GOLIM4: variants seen among roughly 807,000 people sequenced by gnomAD.
GOLIM4 encodes the protein 130 kDa golgi-localized phosphoprotein.
GOLIM4 carries 71 observed loss-of-function variants against 107.4 expected under a neutral mutation model. That is an observed-to-expected ratio of 0.66 (90% CI 0.55 to 0.81). The LOEUF (loss-of-function observed/expected upper bound fraction) is 0.81, where lower values mean the gene tolerates loss of function less well. Ranked by LOEUF, GOLIM4 falls within the 30% of genes least tolerant of loss-of-function variation. The probability of loss-of-function intolerance (pLI) is 0.00; values close to 1 mark genes in which losing one functional copy is unlikely to be tolerated. For synonymous variants in GOLIM4, 327 were observed against 294.8 expected (o/e 1.11, Z -1.12); for missense variants, 830 against 826.1 (o/e 1.00, Z -0.06).
chr3:168,092,933 T>TA (rs1009439398), intron 1 of GOLIM4, among the ~76,000 whole-genome samples: 16 of 152,204 alleles, frequency 1.1e-4, no homozygotes, highest in Non-Finnish European at 5.9e-5. Context: ...GCACCATAAT[T>TA]AGAGAGGAAA....
chr3:168,040,508 T>A (rs1718919850), intron 7 of GOLIM4, among the ~76,000 whole-genome samples: 1 of 152,204 alleles, frequency 6.6e-6, no homozygotes, highest in Admixed American at 6.5e-5. Context: ...ATATGTGAGA[T>A]CATTTCTGTG....
At chr3:168,086,815 T>C (rs1721653964) in intron 1 of GOLIM4, among the ~76,000 whole-genome samples, 1 of 152,114 alleles carries the variant, frequency 6.6e-6, no homozygotes, top group Non-Finnish European at 1.5e-5. Flanking sequence ...AGAACACAAA[T>C]ATACCATTCA....
At chr3:168,042,550 G>A (rs1409817201) in intron 5 of GOLIM4, among the ~76,000 whole-genome samples, 1 of 152,206 alleles carries the variant, frequency 6.6e-6, no homozygotes, top group African/African-American at 2.4e-5. Context: ...CAAAGTGCTA[G>A]GATTACAGGC....
chr3:168,024,870 C>G, intron 13 of GOLIM4, 58 bp downstream of exon 13: 1 of 1,515,630 alleles, frequency 6.6e-7, no homozygotes, highest in Admixed American at 1.7e-5. Flanking sequence ...TTTACATAAA[C>G]CAGATGTTTC....
At chr3:168,067,687 T>C (rs893701355) in intron 1 of GOLIM4, among the ~76,000 whole-genome samples, 2 of 151,988 alleles carry the variant, frequency 1.3e-5, no homozygotes, top group African/African-American at 4.8e-5. Flanking sequence ...AAAGTAATTA[T>C]AGGAAATATA....
intron 14 of GOLIM4, among the ~76,000 whole-genome samples, chr3:168,023,134 A>T (rs1335439517): frequency 5.9e-5 from 9 of 152,228 alleles, no homozygotes; most frequent in Admixed American, 1.3e-4. Flanking sequence ...AATTTTTAAA[A>T]AAGAAGCCAA....
chr3:168,026,859 T>C (rs1054389865), intron 12 of GOLIM4, among the ~76,000 whole-genome samples: 1 of 152,330 alleles, frequency 6.6e-6, no homozygotes, highest in Non-Finnish European at 1.5e-5. Context: ...CAAAAGGGCT[T>C]TAAGTAGCTA....
Position 168,095,335 on chromosome 3 carries a change from T to C in GOLIM4, c.-50A>G. 6.5e-7 allele frequency: 1 copy of C among 1,545,190 alleles called. No homozygotes were observed. The highest frequency in any genetic ancestry group is 2.3e-5 in the East Asian group (1 of 42,748). On this transcript the variant is annotated 5_prime_UTR_variant, in exon 1 of 16. Transcript: ENST00000470487. ...GGCCGCCCCCGCCGTCTCCTCCCCT[T>C]GGTCCGAGCGAGCGTCTCAGCAGCG... is the stretch of plus-strand genomic sequence containing the variant.
intron 1 of GOLIM4, among the ~76,000 whole-genome samples, chr3:168,080,042 A>G (rs895604193): frequency 2.6e-5 from 4 of 152,166 alleles, no homozygotes; most frequent in East Asian, 3.8e-4. Flanking sequence ...CTTTTCTGTC[A>G]TGTGCTACGT....
intron 1 of GOLIM4, among the ~76,000 whole-genome samples, chr3:168,049,490 C>T (rs573540839): frequency 6.6e-6 from 1 of 152,276 alleles, no homozygotes; most frequent in East Asian, 1.9e-4. Context: ...TTCTGATCTA[C>T]CCTTTGAATC....
At chr3:168,067,604 G>A (rs1409028430) in intron 1 of GOLIM4, among the ~76,000 whole-genome samples, 1 of 146,598 alleles carries the variant, frequency 6.8e-6, no homozygotes, top group Non-Finnish European at 1.5e-5. Flanking sequence ...TGTGTATTTT[G>A]TTTTTCATTG....
chr3:168,045,843 A>C (rs1273488104), intron 3 of GOLIM4, among the ~76,000 whole-genome samples: 2 of 152,216 alleles, frequency 1.3e-5, no homozygotes, highest in African/African-American at 4.8e-5. Context: ...GCAAGAGTTG[A>C]AAGCTGATGG....
chr3:168,017,700 T>C (rs962614502), intron 14 of GOLIM4, among the ~76,000 whole-genome samples: 1 of 152,172 alleles, frequency 6.6e-6, no homozygotes, highest in African/African-American at 2.4e-5. Context: ...ACATACAATA[T>C]AGTAGAAATT....
intron 1 of GOLIM4, among the ~76,000 whole-genome samples, chr3:168,050,796 G>A (rs1006489741): frequency 6.7e-6 from 1 of 148,392 alleles, no homozygotes; most frequent in East Asian, 2.0e-4. Context: ...CAGTATAGGC[G>A]GAAACAATTC....
intron 8 of GOLIM4, among the ~76,000 whole-genome samples, chr3:168,035,588 G>A (rs551147613): frequency 5.9e-5 from 9 of 152,298 alleles, no homozygotes; most frequent in South Asian, 4.1e-4. Context: ...ATAAGTGGGA[G>A]CTAAATGATG....
rs758189835 is a variant in GOLIM4, at chr3:168,029,272, A to T, written c.1464T>A (p.Asn488Lys). Residue 488 changes from asparagine (N) to lysine (K), a missense_variant, in exon 11 of 16, where the codon AAT (asparagine) becomes AAA (lysine). Transcript: ENST00000470487. The stretch of plus-strand genomic sequence containing the variant: ...GGTCCTCTGCTCCCTGAACGATATC[A>T]TTATCCATAGCATCATAATGAGCTT... Reference protein sequence around the residue: ...RQQAHYDAMDNDIVQGAEDQG... With the variant: ...RQQAHYDAMDKDIVQGAEDQG... 6.2e-7 allele frequency: 1 copy of T among 1,610,206 alleles called. No individual in the cohort carries two copies. The highest frequency in any genetic ancestry group is 2.2e-5 in the East Asian group (1 of 44,736).
At position 168,024,937 on chromosome 3, in the gene GOLIM4, T is replaced by C; in HGVS notation, c.1782A>G (p.Glu594=). The C allele has an allele frequency of 1.2e-6, 2 of 1,613,724 alleles. No individual in the cohort carries two copies. The highest frequency in any genetic ancestry group is 1.7e-6 in the Non-Finnish European group (2 of 1,179,724). Residue 594 remains glutamate (E), a synonymous_variant, in exon 13 of 16, where the codon GAA becomes GAG. Transcript: ENST00000470487. ...NQKQENTEVE[E]HLVMAGNPDQ... ...CGTGGCATCTGCTTACCACCAAATG[T>C]TCCTCCACTTCTGTATTCTCTTGCT...
rs371771084 is a variant in GOLIM4, at chr3:168,073,211, G to GT, written c.187+21887dup. Among the ~76,000 whole-genome samples, 368 of 152,284 alleles carry GT rather than the reference G, an allele frequency of 2.4e-3. 2 individuals are homozygous for GT. Among genetic ancestry groups the GT allele is most frequent in the African/African-American group, 8.4e-3 (350 of 41,558 alleles). On this transcript the variant is annotated intron_variant, in intron 1 of 15. Coordinates refer to ENST00000470487, the MANE Select transcript of GOLIM4 (RefSeq NM_014498.5). The stretch of plus-strand genomic sequence containing the variant: ...AATTTTACTTGTTCTCATATGATCC[G>GT]TATCATAGTCTGCCATTCCTTACCA...
At chr3:168,045,980 C>G (rs1719279072) in intron 3 of GOLIM4, among the ~76,000 whole-genome samples, 2 of 152,142 alleles carry the variant, frequency 1.3e-5, no homozygotes. Flanking sequence ...CTCCTAGGCT[C>G]AAGTGATCTT....
Sources: gnomAD v4.1 joint callset for allele counts (sites outside exome capture counted in the v4.1 genomes callset) on GRCh38, gnomAD v4.1.1 for gene constraint, MANE v1.5 for transcripts, NCBI Gene and HGNC (gene_info 2026-07-23, HGNC 2026-07-21) for gene names.